ASTN2: variants seen among roughly 807,000 people sequenced by gnomAD.
The protein encoded by ASTN2 is astrotactin-2.
A neutral mutation model predicts 139.8 loss-of-function variants in ASTN2; 54 were observed. The ratio of observed to expected loss-of-function variants is 0.39; its 90% CI spans 0.31 to 0.48. The LOEUF is 0.48. ASTN2 is among the 20% of genes least tolerant of loss of function. The probability of loss-of-function intolerance (pLI) is 0.95; values close to 1 mark genes in which losing one functional copy is unlikely to be tolerated. For missense variants in ASTN2, 1,565 were observed against 1,725.1 expected, an observed-to-expected ratio of 0.91 and a Z score of 1.64; for synonymous variants, 756 against 719.5, an observed-to-expected ratio of 1.05 and a Z score of -0.81.
chr9:117,044,305 A>C (rs1387407394), intron 5 of ASTN2, among the ~76,000 whole-genome samples: 2 of 152,208 alleles, frequency 1.3e-5, no homozygotes, highest in Non-Finnish European at 2.9e-5. Context: ...GAGAATGAAC[A>C]GCATTGTGGG....
chr9:116,628,249 A>C (rs548928502), intron 17 of ASTN2, among the ~76,000 whole-genome samples: 213 of 152,316 alleles, frequency 1.4e-3, no homozygotes, highest in African/African-American at 4.9e-3. Flanking sequence ...ACAAAATCAC[A>C]CAGAAAAAGT....
intron 13 of ASTN2, among the ~76,000 whole-genome samples, chr9:116,789,691 A>G (rs923108679): frequency 1.3e-5 from 2 of 152,196 alleles, no homozygotes; most frequent in African/African-American, 4.8e-5. Context: ...GTGTGGGCTT[A>G]TTAATGTGAC....
intron 1 of ASTN2, among the ~76,000 whole-genome samples, chr9:117,342,356 T>A (rs1829088029): frequency 6.6e-6 from 1 of 152,216 alleles, no homozygotes; most frequent in Admixed American, 6.5e-5. Flanking sequence ...ACAAAAATAA[T>A]ACATGTTTGT....
At chr9:117,335,867 G>A (rs1207813002) in intron 1 of ASTN2, among the ~76,000 whole-genome samples, 1 of 151,988 alleles carries the variant, frequency 6.6e-6, no homozygotes, top group Non-Finnish European at 1.5e-5. Context: ...ACCCAGAGTT[G>A]GAATCTCACT....
chr9:117,291,706 C>T (rs990682759), intron 1 of ASTN2, among the ~76,000 whole-genome samples, 193 bp from the exon 2 acceptor site: 2 of 152,206 alleles, frequency 1.3e-5, no homozygotes, highest in African/African-American at 4.8e-5. Flanking sequence ...CAAGATTCAC[C>T]TAAAGTAACA....
chr9:117,198,912 G>A (rs901887051), intron 3 of ASTN2, among the ~76,000 whole-genome samples: 2 of 152,118 alleles, frequency 1.3e-5, no homozygotes, highest in Non-Finnish European at 2.9e-5. Context: ...TTTTTCATAT[G>A]TTTGTTGGCT....
intron 14 of ASTN2, among the ~76,000 whole-genome samples, chr9:116,729,732 T>C (rs10983329): frequency 0.044 from 6,711 of 152,340 alleles, 184 homozygotes; most frequent in East Asian, 0.096. Flanking sequence ...ATAAGTATTA[T>C]GTAAAATATA....
chr9:117,010,133 AC>A (rs1227053275), intron 6 of ASTN2, among the ~76,000 whole-genome samples: 1 of 152,166 alleles, frequency 6.6e-6, no homozygotes, highest in Non-Finnish European at 1.5e-5. Context: ...GGAAATGACC[AC>A]ATTTCAAGTT....
intron 2 of ASTN2, among the ~76,000 whole-genome samples, chr9:117,278,767 T>C (rs1220786764): frequency 6.6e-6 from 1 of 152,200 alleles, no homozygotes; most frequent in Non-Finnish European, 1.5e-5. Context: ...ATTGTTTGAC[T>C]GTATCGGTGG....
chr9:116,987,286 A>C (rs1166823305), intron 7 of ASTN2, among the ~76,000 whole-genome samples: 1 of 152,222 alleles, frequency 6.6e-6, no homozygotes, highest in Admixed American at 6.5e-5. Flanking sequence ...CTGGTTGTTT[A>C]AAAGCGTGTA....
At chr9:116,764,416 TAGGGCAGCTGA>T (rs1829753769) in intron 13 of ASTN2, among the ~76,000 whole-genome samples, 1 of 152,166 alleles carries the variant, frequency 6.6e-6, no homozygotes, top group South Asian at 2.1e-4. Flanking sequence ...ATTGAGCCTG[TAGGGCAGCTGA>T]ACTTCTTCTC....
In ASTN2 at chr9:117,414,513, C is replaced by T; in HGVS notation, c.426G>A (p.Leu142=). The T allele has an allele frequency of 6.2e-7, 1 of 1,609,170 alleles. No individual in the cohort carries two copies. The highest frequency in any genetic ancestry group is 8.5e-7 in the Non-Finnish European group (1 of 1,178,300). The part of the protein sequence containing the change: ...AVQDDLDNTE[L]PFFTLEMSGT... ...CAGCCTTACCCAGGGTGAAGAAGGG[C>T]AGCTCGGTGTTGTCCAGGTCGTCCT... Residue 142 remains leucine, a synonymous_variant, in exon 1 of 23, where the codon CTG becomes CTA. Transcript: ENST00000313400. The surrounding 1 kb of genome is among the most constrained non-coding windows in gnomAD (Gnocchi z 4.2).
rs151312026 is a variant in ASTN2 at position 117,390,176 on chromosome 9, T to C, written c.442+24321A>G. 1.1e-4 allele frequency among the ~76,000 whole-genome samples: 17 copies of C among 152,336 alleles called. No individual in the cohort carries two copies. The East Asian group carries it at 3.3e-3, about 29-fold the overall frequency. ...CCAGATCCTGAGATATATACAGATATTTTTTAAATTAATAGACTTTATTAG... is the reference window on the plus strand; with the variant it reads ...CCAGATCCTGAGATATATACAGATACTTTTTAAATTAATAGACTTTATTAG... On this transcript the variant is annotated intron_variant, in intron 1 of 22. Transcript: ENST00000313400.
In ASTN2 at chr9:116,924,367, T is replaced by A. The variant is rs554546714; in HGVS notation, c.1889+50841A>T. 2.7e-5 allele frequency among the ~76,000 whole-genome samples: 4 copies of A among 147,166 alleles called. No homozygotes were observed. In the East Asian group the frequency reaches 7.9e-4, roughly 29 times the overall value. On this transcript the variant is annotated intron_variant, in intron 10 of 22. Coordinates refer to ENST00000313400, the MANE Select transcript of ASTN2 (RefSeq NM_001365068.1). ...CTTGCTTGAACCCAGGAGGCAGAGG[T>A]TACAGTGAGTAGAGATTGCACCACT...
intron 2 of ASTN2, among the ~76,000 whole-genome samples, chr9:117,247,454 G>A (rs1210032402): frequency 1.3e-5 from 2 of 152,172 alleles, no homozygotes; most frequent in East Asian, 3.9e-4. Flanking sequence ...CCACTGAGTA[G>A]CCTCTCTCAT....
At chr9:117,131,308 G>A (rs951465243) in intron 4 of ASTN2, among the ~76,000 whole-genome samples, 4 of 152,054 alleles carry the variant, frequency 2.6e-5, no homozygotes, top group East Asian at 3.9e-4. Flanking sequence ...CAACTGACCA[G>A]CATTAATATT....
intron 2 of ASTN2, among the ~76,000 whole-genome samples, chr9:117,287,688 A>G (rs1834485019): frequency 6.6e-6 from 1 of 152,232 alleles, no homozygotes; most frequent in South Asian, 2.1e-4. Context: ...GTCAGGTATT[A>G]TGATTATTTC....
Position 116,639,601 on chromosome 9 carries a change from G to T in ASTN2, c.3072+11927C>A, listed in dbSNP as rs146116378. On this transcript the variant is annotated intron_variant, in intron 17 of 22. Coordinates refer to ENST00000313400, the MANE Select transcript of ASTN2 (RefSeq NM_001365068.1). ...AGCTCCAAAAGGGATGGAGCCTGCA[G>T]CTTGCTCTTCCTGGAAGCCCAGCAT... Among the ~76,000 whole-genome samples the T allele has an allele frequency of 6.0e-3, 918 of 152,324 alleles. 13 individuals are homozygous for T. Among genetic ancestry groups the T allele is most frequent in the African/African-American group, 0.021 (886 of 41,576 alleles).
intron 13 of ASTN2, among the ~76,000 whole-genome samples, chr9:116,759,661 G>C (rs1472067063): frequency 6.6e-6 from 1 of 152,134 alleles, no homozygotes; most frequent in Non-Finnish European, 1.5e-5. Context: ...AGCCTGACGT[G>C]ATCACTGTGT....
Sources: allele counts gnomAD v4.1 joint callset (sites outside exome capture counted in the v4.1 genomes callset), GRCh38; gene constraint gnomAD v4.1.1; non-coding constraint Gnocchi (gnomAD v3.1); transcripts MANE v1.5; gene names NCBI Gene and HGNC (gene_info 2026-07-23, HGNC 2026-07-21).